Variants in U2SURP observed in about 807,000 individuals in gnomAD.
The protein encoded by U2SURP is U2 snRNP-associated SURP motif-containing protein.
Under a neutral mutation model 144.9 loss-of-function variants are expected in U2SURP, and 9 were observed. That is an observed-to-expected ratio of 0.06 (90% CI 0.04 to 0.11). The LOEUF (loss-of-function observed/expected upper bound fraction) is 0.11, where lower values mean the gene tolerates loss of function less well. Ranked by LOEUF, U2SURP falls within the 10% of genes least tolerant of loss-of-function variation. U2SURP has a pLI of 1.00. For missense variants in U2SURP, 724 were observed against 1,226.7 expected, an observed-to-expected ratio of 0.59 and a Z score of 6.12; for synonymous variants, 408 against 396.8, an observed-to-expected ratio of 1.03 and a Z score of -0.33.
rs1936610375 is a variant in U2SURP at position 143,021,190 on chromosome 3, C to CA, written c.734-154dup. 2.0e-5 allele frequency among the ~76,000 whole-genome samples: 3 copies of CA among 152,006 alleles called. No homozygotes were observed. The South Asian group carries it at 6.2e-4, about 32-fold the overall frequency. Reference sequence around the variant, plus strand: ...TGGGCGACAGAGCAAGAGTCTGTCTCAAAAAACAACAACAACAACAACAGA... The same window carrying CA: ...TGGGCGACAGAGCAAGAGTCTGTCTCAAAAAAACAACAACAACAACAACAGA... On this transcript the variant is annotated intron_variant, in intron 8 of 27. Transcript: ENST00000473835.
chr3:143,033,474 T>G (rs1933621596), intron 18 of U2SURP, 124 bp downstream of exon 18: 1 of 572,046 alleles, frequency 1.7e-6, no homozygotes, highest in East Asian at 3.0e-5. Context: ...TCCATGTCTG[T>G]GGGTTCCTTA....
chr3:143,038,322 G>A (rs1040970461), intron 22 of U2SURP, 119 bp downstream of exon 22: 2 of 715,940 alleles, frequency 2.8e-6, no homozygotes, highest in African/African-American at 3.7e-5. Flanking sequence ...AATGCTCAAT[G>A]TTGTCATATT....
chr3:143,006,583 C>G lies in U2SURP; in HGVS notation c.46-4232C>G, dbSNP rs1935845451. Reference sequence around the variant, plus strand: ...CCAGCCTGACCAATATGGAGAAACCCCATCTCTGCTGAAAATACAAAATTA... The same window carrying G: ...CCAGCCTGACCAATATGGAGAAACCGCATCTCTGCTGAAAATACAAAATTA... On this transcript the variant is annotated intron_variant, in intron 1 of 27. Coordinates refer to ENST00000473835, the MANE Select transcript of U2SURP (RefSeq NM_001080415.2). Among the ~76,000 whole-genome samples the G allele has an allele frequency of 2.0e-5, 3 of 152,220 alleles. No individual in the cohort carries two copies. The South Asian group carries it at 6.2e-4, about 32-fold the overall frequency.
Position 143,056,542 on chromosome 3 carries a change from AAG to A in U2SURP, c.*95_*96del. 1.3e-6 allele frequency: 2 copies of A among 1,489,950 alleles called. No homozygotes were observed. Among genetic ancestry groups the A allele is most frequent in the South Asian group, 1.3e-5 (1 of 74,692 alleles). The allele number at this position is 1,489,950 out of a possible 1,614,324, so 92.3% of individuals were successfully genotyped here. A position where few individuals can be genotyped will look rare whatever the true frequency, so the allele number is the denominator to read the frequency against. ...TTTAAAAAAACAAAAAATCAAATGA[AAG>A]AGCATTCCTGGGGTTTTTTGTTTGT... On this transcript the variant is annotated 3_prime_UTR_variant, in exon 28 of 28. Coordinates refer to ENST00000473835, the MANE Select transcript of U2SURP (RefSeq NM_001080415.2).
rs1936625867 is a variant in U2SURP, at chr3:143,021,386, G to A, written c.769+1G>A. ...TCAAGAAGAAATAGATCATCTGGTG[G>A]TAATACAGTTTTTTGCTCTTTTAAT... On this transcript the variant is annotated splice_donor_variant, in intron 9 of 27. Transcript: ENST00000473835. LOFTEE classifies it high-confidence loss of function. The A allele has an allele frequency of 6.2e-7, 1 of 1,603,996 alleles. No individual in the cohort carries two copies. Among genetic ancestry groups the A allele is most frequent in the African/African-American group, 1.3e-5 (1 of 74,754 alleles).
chr3:143,018,708 C>A (rs147028212), intron 6 of U2SURP, among the ~76,000 whole-genome samples: 1 of 152,078 alleles, frequency 6.6e-6, no homozygotes, highest in Non-Finnish European at 1.5e-5. Flanking sequence ...TTTCTCACGT[C>A]GTACACTAAC....
intron 19 of U2SURP, among the ~76,000 whole-genome samples, chr3:143,035,372 C>G (rs1456093233): frequency 1.3e-5 from 2 of 152,078 alleles, no homozygotes; most frequent in Non-Finnish European, 2.9e-5. Flanking sequence ...TAAGAAAAGC[C>G]AAGTGTAGTA....
At position 143,027,326 on chromosome 3, in the gene U2SURP, G is replaced by T. The variant is rs573230145; in HGVS notation, c.1379+73G>T. Reference sequence around the variant, plus strand: ...CATTTTAACTATTTTTAAGTATACAGTTCAGTGTCATTAAGTACATTCACA... The same window carrying T: ...CATTTTAACTATTTTTAAGTATACATTTCAGTGTCATTAAGTACATTCACA... On this transcript the variant is annotated intron_variant, in intron 14 of 27. Transcript: ENST00000473835. 2.7e-5 allele frequency: 31 copies of T among 1,143,074 alleles called. No individual in the cohort carries two copies. In the African/African-American group the frequency reaches 4.3e-4, roughly 16 times the overall value. 70.8% of individuals were successfully genotyped at this position (1,143,074 alleles called of 1,614,324 possible).
chr3:143,017,574 G>GA lies in U2SURP; in HGVS notation c.570+608dup, dbSNP rs895642019. On this transcript the variant is annotated intron_variant, in intron 6 of 27. Coordinates refer to ENST00000473835, the MANE Select transcript of U2SURP (RefSeq NM_001080415.2). ...CTTAAAAAATATCTCTAAAAGCAAT[G>GA]AAAAAAAAACCCCAGCTTTATTGAG... Among the ~76,000 whole-genome samples the GA allele has an allele frequency of 4.0e-4, 59 of 147,082 alleles. 1 individual carries two copies. The highest frequency in any genetic ancestry group is 1.5e-3 in the South Asian group (7 of 4,652).
At chr3:143,011,209 CTGTT>C (rs1936108793) in intron 2 of U2SURP, among the ~76,000 whole-genome samples, 1 of 152,208 alleles carries the variant, frequency 6.6e-6, no homozygotes, top group South Asian at 2.1e-4. Flanking sequence ...TGCAGGTAAA[CTGTT>C]AACAGCTCTA....
Position 143,001,647 on chromosome 3 carries a change from G to T in U2SURP, c.19G>T (p.Gly7Cys), listed in dbSNP as rs777950336. Residue 7 changes from glycine to cysteine, a missense_variant, in exon 1 of 28, where the codon GGC becomes TGC. Physicochemically the swap from Gly to Cys is radical, Grantham distance 159 (BLOSUM62 -3). Around this residue, in one of 13 missense-constraint regions of U2SURP, gnomAD observed 127 missense variants for 98.2 expected, o/e 1.29. Transcript: ENST00000473835. Reference sequence around the variant, plus strand: ...GCTCAAGATGGCGGACAAAACGCCAGGCGGATCTCAGAAGGCCAGTTCAAA... The same window carrying T: ...GCTCAAGATGGCGGACAAAACGCCATGCGGATCTCAGAAGGCCAGTTCAAA... Reference protein sequence around the residue: MADKTPGGSQKASSKTR... With the variant: MADKTPCGSQKASSKTR... 7 of 1,613,932 alleles carry T rather than the reference G, an allele frequency of 4.3e-6. No homozygotes were observed. The highest frequency in any genetic ancestry group is 5.9e-6 in the Non-Finnish European group (7 of 1,179,910).
chr3:143,001,759 T>G (rs1174047860), intron 1 of U2SURP, 86 bp downstream of exon 1: 17 of 1,561,404 alleles, frequency 1.1e-5, no homozygotes, highest in Non-Finnish European at 1.4e-5. Flanking sequence ...GAGAGGCGAT[T>G]GGGATTGGGG....
chr3:143,059,930 T>C lies in U2SURP; in HGVS notation c.*3480T>C, dbSNP rs1396911114. On this transcript the variant is annotated 3_prime_UTR_variant, in exon 28 of 28. Transcript: ENST00000473835. Reference sequence around the variant, plus strand: ...TGTTTAATTCATTATCCTTTTGACTTAAAATTTTTGTTACCAACTTCCTAG... The same window carrying C: ...TGTTTAATTCATTATCCTTTTGACTCAAAATTTTTGTTACCAACTTCCTAG... The C allele has an allele frequency of 6.6e-6, 1 of 152,382 alleles. No homozygotes were observed. The highest frequency in any genetic ancestry group is 2.4e-5 in the African/African-American group (1 of 41,428). The allele number at this position is 152,382 out of a possible 1,614,324, so 9.4% of individuals were successfully genotyped here. A position where few individuals can be genotyped will look rare whatever the true frequency, so the allele number is the denominator to read the frequency against.
At chr3:143,004,924 A>C (rs1354728074) in intron 1 of U2SURP, among the ~76,000 whole-genome samples, 1 of 151,982 alleles carries the variant, frequency 6.6e-6, no homozygotes, top group East Asian at 1.9e-4. Context: ...AGAGAGAGAG[A>C]GCCTGTAATT....
chr3:143,028,805 C>T (rs1234000965), intron 16 of U2SURP, among the ~76,000 whole-genome samples, 159 bp downstream of exon 16: 1 of 152,170 alleles, frequency 6.6e-6, no homozygotes, highest in East Asian at 1.9e-4. Context: ...TAATTTTAAA[C>T]ATCCTAACAA....
rs397704676 is a variant in U2SURP, at chr3:143,057,407, C to CCG, written c.*957_*958insCG. ...TTAAACAGCTTAGTTGGTCCCCCCC[C>CCG]ACTCCCAAGAGACTTGGGTTTAGTT... On this transcript the variant is annotated 3_prime_UTR_variant, in exon 28 of 28. Coordinates refer to ENST00000473835, the MANE Select transcript of U2SURP (RefSeq NM_001080415.2). 5 of 151,642 alleles carry CCG rather than the reference C, an allele frequency of 3.3e-5. No individual in the cohort carries two copies. Among genetic ancestry groups the CCG allele is most frequent in the Non-Finnish European group, 5.9e-5 (4 of 67,656 alleles). 9.4% of individuals were successfully genotyped at this position (151,642 alleles called of 1,614,324 possible). A position where few individuals can be genotyped will look rare whatever the true frequency, so the allele number is the denominator to read the frequency against.
intron 24 of U2SURP, among the ~76,000 whole-genome samples, chr3:143,048,949 A>C (rs990212266): frequency 1.3e-5 from 2 of 152,114 alleles, no homozygotes; most frequent in Non-Finnish European, 2.9e-5. Context: ...TCATGAAGTC[A>C]AAAATAGTGA....
At chr3:143,006,684 G>A (rs544677465) in intron 1 of U2SURP, among the ~76,000 whole-genome samples, 2 of 152,244 alleles carry the variant, frequency 1.3e-5, no homozygotes, top group South Asian at 2.1e-4. Context: ...GGAGGTTGCC[G>A]AGAGCCGAGA....
At chr3:143,037,597 G>A (rs1463567387) in intron 21 of U2SURP, among the ~76,000 whole-genome samples, 2 of 151,868 alleles carry the variant, frequency 1.3e-5, no homozygotes, top group Non-Finnish European at 2.9e-5. Context: ...TATAATATTA[G>A]CAAGTTTCTC....
Sources: gnomAD v4.1 joint callset for allele counts (sites outside exome capture counted in the v4.1 genomes callset) on GRCh38, gnomAD v4.1.1 for gene constraint, gnomAD v4.1.1 regional missense constraint, MANE v1.5 for transcripts, NCBI Gene and HGNC (gene_info 2026-07-23, HGNC 2026-07-21) for gene names.